KCNJ3: variants seen among roughly 807,000 people sequenced by gnomAD.
The protein encoded by KCNJ3 is potassium inwardly rectifying channel subfamily J member 3.
KCNJ3 carries 4 observed loss-of-function variants against 39.2 expected under a neutral mutation model. The observed-to-expected ratio is 0.10, with a 90% confidence interval of 0.05 to 0.23. The LOEUF (loss-of-function observed/expected upper bound fraction) is 0.23. KCNJ3 is among the 10% of genes least tolerant of loss of function. The probability of loss-of-function intolerance (pLI) is 1.00; values close to 1 mark genes in which losing one functional copy is unlikely to be tolerated. For synonymous variants in KCNJ3, 230 were observed against 237.4 expected (o/e 0.97, Z 0.29); for missense variants, 276 against 634.9 (o/e 0.43, Z 6.08).
intron 2 of KCNJ3, among the ~76,000 whole-genome samples, chr2:154,721,282 CT>C (rs1164401614): frequency 1.7e-4 from 26 of 152,058 alleles, no homozygotes; most frequent in Non-Finnish European, 3.4e-4. Flanking sequence ...TGTTCTTGAA[CT>C]TTCTATGTCC....
chr2:154,858,061 C>G lies in KCNJ3; in HGVS notation c.*2748C>G, dbSNP rs1372405595. On this transcript the variant is annotated 3_prime_UTR_variant, in exon 3 of 3. Coordinates refer to ENST00000295101, the MANE Select transcript of KCNJ3 (RefSeq NM_002239.4). ...TCTCATGAGAAAGTGCTACTGTTGT[C>G]AAAATTACCTTATCTGAGTGAATGG... is the stretch of plus-strand genomic sequence containing the variant. The G allele has an allele frequency of 6.6e-6, 1 of 151,946 alleles. No homozygotes were observed. The highest frequency in any genetic ancestry group is 1.5e-5 in the Non-Finnish European group (1 of 67,992). 9.4% of individuals were successfully genotyped at this position (151,946 alleles called of 1,614,324 possible). A position where few individuals can be genotyped will look rare whatever the true frequency, so the allele number is the denominator to read the frequency against.
intron 2 of KCNJ3, among the ~76,000 whole-genome samples, chr2:154,717,049 G>C (rs1163525879): frequency 6.6e-6 from 1 of 152,198 alleles, no homozygotes; most frequent in African/African-American, 2.4e-5. Context: ...TAGAGGAGTG[G>C]TCCCTAATGG....
At chr2:154,834,739 A>C (rs1010403922) in intron 2 of KCNJ3, among the ~76,000 whole-genome samples, 12 of 147,974 alleles carry the variant, frequency 8.1e-5, no homozygotes, top group Non-Finnish European at 1.5e-4. Context: ...AAAATAAAAT[A>C]AAATAAAATA....
At chr2:154,755,936 C>G (rs116003675) in intron 2 of KCNJ3, among the ~76,000 whole-genome samples, 4 of 151,940 alleles carry the variant, frequency 2.6e-5, no homozygotes, top group Admixed American at 6.6e-5. Flanking sequence ...AAAACTGTCT[C>G]GAAGATGTTA....
At chr2:154,737,936 AAAAG>A (rs371651288) in intron 2 of KCNJ3, among the ~76,000 whole-genome samples, 148 of 152,298 alleles carry the variant, frequency 9.7e-4, no homozygotes, top group African/African-American at 3.5e-3. Context: ...TCAAGGAGGC[AAAAG>A]AAAGAAAACT....
intron 2 of KCNJ3, among the ~76,000 whole-genome samples, chr2:154,741,811 A>G (rs1685658481): frequency 6.6e-6 from 1 of 151,946 alleles, no homozygotes; most frequent in East Asian, 1.9e-4. Flanking sequence ...ACATACAATC[A>G]TTGATGTAGC....
chr2:154,786,081 T>C (rs1324991905), intron 2 of KCNJ3, among the ~76,000 whole-genome samples: 1 of 152,218 alleles, frequency 6.6e-6, no homozygotes, highest in Non-Finnish European at 1.5e-5. Context: ...TGTGGTAATA[T>C]GGAGCTTCAT....
intron 2 of KCNJ3, among the ~76,000 whole-genome samples, chr2:154,817,625 T>G (rs577453675): frequency 6.6e-6 from 1 of 152,288 alleles, no homozygotes; most frequent in Non-Finnish European, 1.5e-5. Context: ...CTCTTTCTCT[T>G]AAGGGACTGT....
chr2:154,775,154 C>A (rs1686310960), intron 2 of KCNJ3, among the ~76,000 whole-genome samples: 2 of 152,166 alleles, frequency 1.3e-5, no homozygotes, highest in Admixed American at 1.3e-4. Context: ...TAGGCTCAAG[C>A]AATCAGTCCA....
At position 154,845,708 on chromosome 2, in the gene KCNJ3, C is replaced by T. The variant is rs150059645; in HGVS notation, c.920-9019C>T. The stretch of plus-strand genomic sequence containing the variant: ...AATTTAGGCCAGGTACAGTGGCTCA[C>T]GCCTGTAATCCCAGCACTTTGGGAG... On this transcript the variant is annotated intron_variant, in intron 2 of 2. Transcript: ENST00000295101. 3.1e-3 allele frequency among the ~76,000 whole-genome samples: 478 copies of T among 152,182 alleles called. 2 individuals carry two copies. Among genetic ancestry groups the T allele is most frequent in the African/African-American group, 0.011 (452 of 41,554 alleles).
intron 2 of KCNJ3, among the ~76,000 whole-genome samples, chr2:154,761,311 G>A (rs1007314933): frequency 6.6e-6 from 1 of 151,798 alleles, no homozygotes. Context: ...TTGTTTTTAC[G>A]TTTTAACTTC....
At chr2:154,837,744 C>A (rs1050422745) in intron 2 of KCNJ3, among the ~76,000 whole-genome samples, 1 of 152,136 alleles carries the variant, frequency 6.6e-6, no homozygotes, top group Non-Finnish European at 1.5e-5. Flanking sequence ...GTGTCTGTAA[C>A]TGCAGTGAAT....
chr2:154,853,214 T>C (rs1331311541), intron 2 of KCNJ3, among the ~76,000 whole-genome samples: 1 of 151,740 alleles, frequency 6.6e-6, no homozygotes, highest in East Asian at 1.9e-4. Context: ...AGATACTAAT[T>C]TTCTACATGA....
Position 154,855,350 on chromosome 2 carries a change from T to C in KCNJ3, c.*37T>C. 1 of 1,357,976 alleles carries C rather than the reference T, an allele frequency of 7.4e-7. No homozygotes were observed. Among genetic ancestry groups the C allele is most frequent in the South Asian group, 1.3e-5 (1 of 74,140 alleles). The allele number at this position is 1,357,976 out of a possible 1,614,324, so 84.1% of individuals were successfully genotyped here. A position where few individuals can be genotyped will look rare whatever the true frequency, so the allele number is the denominator to read the frequency against. ...CTTAGGCATTATTTAATGTTTGATT[T>C]AGTAATAGTCCAATATTTGGCGATG... On this transcript the variant is annotated 3_prime_UTR_variant, in exon 3 of 3. Coordinates refer to ENST00000295101, the MANE Select transcript of KCNJ3 (RefSeq NM_002239.4).
chr2:154,724,874 TG>T (rs1558856893), intron 2 of KCNJ3, among the ~76,000 whole-genome samples: 1 of 146,958 alleles, frequency 6.8e-6, no homozygotes, highest in East Asian at 2.0e-4. Context: ...AAAAATGTTA[TG>T]TTTTATTATA....
At chr2:154,756,255 G>A (rs542145962) in intron 2 of KCNJ3, among the ~76,000 whole-genome samples, 1 of 152,140 alleles carries the variant, frequency 6.6e-6, no homozygotes, top group Middle Eastern at 3.4e-3. Context: ...AGTAGCAATT[G>A]TCATATATAT....
At chr2:154,733,036 A>G (rs1685470338) in intron 2 of KCNJ3, among the ~76,000 whole-genome samples, 1 of 152,150 alleles carries the variant, frequency 6.6e-6, no homozygotes, top group Non-Finnish European at 1.5e-5. Context: ...ACCTATTTGT[A>G]TGTATACATT....
intron 2 of KCNJ3, among the ~76,000 whole-genome samples, chr2:154,821,401 G>A (rs1002276197): frequency 6.6e-6 from 1 of 152,138 alleles, no homozygotes; most frequent in African/African-American, 2.4e-5. Flanking sequence ...AATCCACTAC[G>A]AAGTTTGAAG....
rs116996998 is a variant in KCNJ3 at position 154,811,256 on chromosome 2, A to G, written c.920-43471A>G. On this transcript the variant is annotated intron_variant, in intron 2 of 2. Transcript: ENST00000295101. ...CCGGAAGAGGGCTAGGAGACGTGGC[A>G]TATGTCAAACGACAGGTTATATTAA... Among the ~76,000 whole-genome samples, 70 of 152,234 alleles carry G rather than the reference A, an allele frequency of 4.6e-4. No homozygotes were observed. In the East Asian group the frequency reaches 0.012, roughly 25 times the overall value.
Sources: allele counts gnomAD v4.1 joint callset (sites outside exome capture counted in the v4.1 genomes callset), GRCh38; gene constraint gnomAD v4.1.1; transcripts MANE v1.5; gene names NCBI Gene and HGNC (gene_info 2026-07-23, HGNC 2026-07-21).